The following DIAPH3 variants were observed in gnomAD, a reference collection of about 807,000 sequenced individuals.
DIAPH3 encodes protein diaphanous homolog 3.
A neutral mutation model predicts 144.3 loss-of-function variants in DIAPH3; 117 were observed. That is an observed-to-expected ratio of 0.81 (90% CI 0.70 to 0.95). DIAPH3 has a LOEUF of 0.95. DIAPH3 is among the 40% of genes least tolerant of loss of function. The probability of loss-of-function intolerance (pLI) is 0.00; values close to 1 mark genes in which losing one functional copy is unlikely to be tolerated. For synonymous variants in DIAPH3, 519 were observed against 488.9 expected, an observed-to-expected ratio of 1.06 and a Z score of -0.81; for missense variants, 1,421 against 1,412.7, an observed-to-expected ratio of 1.01 and a Z score of -0.09.
chr13:60,115,035 G>T (rs1447434085), intron 2 of DIAPH3, among the ~76,000 whole-genome samples: 1 of 152,076 alleles, frequency 6.6e-6, no homozygotes. Flanking sequence ...TATGTTAAAT[G>T]TATTTACTGT....
In DIAPH3 at chr13:60,008,504, T is replaced by C. The variant is rs189124639; in HGVS notation, c.1014+40A>G. ...TCATAAAACCGTTAAAAGTAATATA[T>C]GCCATTTAAAAACAGATTTTATATA... On this transcript the variant is annotated intron_variant, in intron 9 of 27. Transcript: ENST00000400324. The C allele has an allele frequency of 5.3e-6, 7 of 1,328,668 alleles. No individual in the cohort carries two copies. In the African/African-American group the frequency reaches 1.0e-4, roughly 19 times the overall value. 82.3% of individuals were successfully genotyped at this position (1,328,668 alleles called of 1,614,324 possible).
rs2041817677 is a variant in DIAPH3, at chr13:59,832,281, C to T, written c.3027+826G>A. 4.0e-5 allele frequency among the ~76,000 whole-genome samples: 6 copies of T among 151,772 alleles called. No homozygotes were observed. The South Asian group carries it at 1.0e-3, about 26-fold the overall frequency. On this transcript the variant is annotated intron_variant, in intron 24 of 27. Coordinates refer to ENST00000400324, the MANE Select transcript of DIAPH3 (RefSeq NM_001042517.2). The stretch of plus-strand genomic sequence containing the variant: ...TAAAAATAGTGTTTTTATTAAAAGG[C>T]TATCTAATCCTAACTAAATAATTAT...
intron 13 of DIAPH3, 22 bp downstream of exon 13, chr13:59,983,747 T>C: frequency 6.9e-7 from 1 of 1,457,134 alleles, no homozygotes; most frequent in Non-Finnish European, 9.6e-7. Flanking sequence ...AAGATATTTC[T>C]ATTTAAATAA....
At chr13:60,103,167 A>T (rs1276969888) in intron 3 of DIAPH3, among the ~76,000 whole-genome samples, 1 of 151,810 alleles carries the variant, frequency 6.6e-6, no homozygotes, top group Non-Finnish European at 1.5e-5. Context: ...GGTGGGGGGG[A>T]AATATGTAAC....
chr13:60,109,309 G>C (rs760878109), intron 3 of DIAPH3, among the ~76,000 whole-genome samples: 1 of 152,152 alleles, frequency 6.6e-6, no homozygotes, highest in Non-Finnish European at 1.5e-5. Flanking sequence ...AATGTGTGTT[G>C]CTTTAAATCA....
intron 21 of DIAPH3, among the ~76,000 whole-genome samples, chr13:59,870,581 T>C (rs532359703): frequency 2.0e-5 from 3 of 152,232 alleles, no homozygotes; most frequent in East Asian, 3.9e-4. Flanking sequence ...GACACCTTAA[T>C]AGTACTGAGA....
chr13:60,001,664 A>G (rs2052535619), intron 9 of DIAPH3, among the ~76,000 whole-genome samples: 1 of 152,208 alleles, frequency 6.6e-6, no homozygotes, highest in Non-Finnish European at 1.5e-5. Context: ...ATCTTATGTG[A>G]AAGACAGGCA....
chr13:59,826,352 T>C lies in DIAPH3; in HGVS notation c.3027+6755A>G, dbSNP rs1292561327. Among the ~76,000 whole-genome samples the C allele has an allele frequency of 2.5e-3, 331 of 134,438 alleles. 2 individuals carry two copies. The highest frequency in any genetic ancestry group is 8.4e-3 in the African/African-American group (312 of 36,970). The allele number at this position is 134,438 out of a possible 152,430, so 88.2% of individuals were successfully genotyped here. A position where few individuals can be genotyped will look rare whatever the true frequency, so the allele number is the denominator to read the frequency against. On this transcript the variant is annotated intron_variant, in intron 24 of 27. Transcript: ENST00000400324. ...GCAAAGTCTCAGGATACAAAATCAA[T>C]GTACAAAAATCACAAGCATTCTTAT...
At chr13:60,007,711 T>C (rs2052970956) in intron 9 of DIAPH3, among the ~76,000 whole-genome samples, 1 of 152,172 alleles carries the variant, frequency 6.6e-6, no homozygotes, top group Non-Finnish European at 1.5e-5. Context: ...AAAGCCTCTT[T>C]TCCTTTTTTT....
intron 17 of DIAPH3, among the ~76,000 whole-genome samples, chr13:59,934,098 T>A (rs1020109062): frequency 1.3e-5 from 2 of 152,154 alleles, no homozygotes; most frequent in Non-Finnish European, 2.9e-5. Flanking sequence ...CAGTCTTAAA[T>A]GTTTTAGTAG....
intron 14 of DIAPH3, among the ~76,000 whole-genome samples, chr13:59,977,268 G>A (rs78425537): frequency 0.041 from 6,244 of 151,854 alleles, 188 homozygotes; most frequent in Middle Eastern, 0.099. Flanking sequence ...AATGATTCCT[G>A]GAGGAATGAT....
At chr13:59,952,692 G>A (rs2049163053) in intron 17 of DIAPH3, among the ~76,000 whole-genome samples, 1 of 152,082 alleles carries the variant, frequency 6.6e-6, no homozygotes, top group Admixed American at 6.6e-5. Flanking sequence ...TTCACTCAGA[G>A]CTAAAGTCAT....
At chr13:60,027,581 C>G (rs1476697255) in intron 5 of DIAPH3, among the ~76,000 whole-genome samples, 2 of 151,862 alleles carry the variant, frequency 1.3e-5, no homozygotes, top group Non-Finnish European at 2.9e-5. Flanking sequence ...GCACAAGAAA[C>G]AAGAGTTCTT....
At chr13:59,984,446 G>A (rs763564781) in intron 12 of DIAPH3, among the ~76,000 whole-genome samples, 2 of 151,554 alleles carry the variant, frequency 1.3e-5, no homozygotes, top group African/African-American at 2.4e-5. Flanking sequence ...TCCAAAAATC[G>A]AAGTTTAACT....
intron 18 of DIAPH3, among the ~76,000 whole-genome samples, chr13:59,920,913 A>G (rs2140285400): frequency 6.6e-6 from 1 of 152,032 alleles, no homozygotes. Flanking sequence ...ACAATGGAAT[A>G]AAACTAGAAA....
At chr13:60,021,576 A>C (rs996737909) in intron 5 of DIAPH3, among the ~76,000 whole-genome samples, 3 of 150,564 alleles carry the variant, frequency 2.0e-5, no homozygotes, top group Non-Finnish European at 3.0e-5. Context: ...GTGAGCCAAG[A>C]TGGTGCCTGG....
At chr13:59,682,799 T>G (rs1203083380) in intron 27 of DIAPH3, among the ~76,000 whole-genome samples, 1 of 152,140 alleles carries the variant, frequency 6.6e-6, no homozygotes, top group Non-Finnish European at 1.5e-5. Context: ...GATGCCAACT[T>G]GTATTGTATT....
chr13:59,954,605 C>T (rs2049284408), intron 17 of DIAPH3, among the ~76,000 whole-genome samples: 1 of 152,068 alleles, frequency 6.6e-6, no homozygotes. Context: ...TGTATTAGTC[C>T]ATTCTCACAC....
chr13:59,902,758 G>A (rs944402495), intron 20 of DIAPH3, among the ~76,000 whole-genome samples: 2 of 152,136 alleles, frequency 1.3e-5, no homozygotes, highest in East Asian at 3.9e-4. Flanking sequence ...CCTGGGCAAT[G>A]AAGTGAAACT....
Sources: allele counts gnomAD v4.1 joint callset (sites outside exome capture counted in the v4.1 genomes callset), GRCh38; gene constraint gnomAD v4.1.1; transcripts MANE v1.5; gene names NCBI Gene and HGNC (gene_info 2026-07-23, HGNC 2026-07-21).